Variants in JMJD1C observed in about 807,000 individuals in gnomAD.
JMJD1C encodes the protein jumonji domain containing 1C.
Under a neutral mutation model 245.3 loss-of-function variants are expected in JMJD1C, and 31 were observed. That is an observed-to-expected ratio of 0.13 (90% CI 0.09 to 0.17). The LOEUF (loss-of-function observed/expected upper bound fraction) is 0.17. Among genes scored for constraint, JMJD1C ranks in the 10% least tolerant of loss-of-function variants. JMJD1C has a pLI of 1.00. For missense variants in JMJD1C, 2,691 were observed against 3,000.2 expected (o/e 0.90, Z 2.41); for synonymous variants, 1,057 against 1,017.4 (o/e 1.04, Z -0.74).
chr10:63,385,273 T>C (rs1947498556), intron 1 of JMJD1C, among the ~76,000 whole-genome samples: 1 of 151,898 alleles, frequency 6.6e-6, no homozygotes, highest in Non-Finnish European at 1.5e-5. Flanking sequence ...GTAATAGTAA[T>C]AATAATAAAA....
At chr10:63,338,670 T>TA (rs1185042411) in intron 2 of JMJD1C, among the ~76,000 whole-genome samples, 2 of 130,016 alleles carry the variant, frequency 1.5e-5, no homozygotes, top group Non-Finnish European at 3.2e-5. Context: ...TTTTTTGAGA[T>TA]AGAGTTTCGC....
chr10:63,485,398 C>T (rs1453878051), intron 1 of JMJD1C, among the ~76,000 whole-genome samples: 1 of 151,986 alleles, frequency 6.6e-6, no homozygotes, highest in Non-Finnish European at 1.5e-5. Flanking sequence ...CCATTTCTAC[C>T]TCACAAGTCT....
chr10:63,473,381 G>T (rs1055198109), intron 1 of JMJD1C, among the ~76,000 whole-genome samples: 3 of 152,036 alleles, frequency 2.0e-5, no homozygotes, highest in African/African-American at 7.2e-5. Context: ...GAGTAGCTGG[G>T]ATTACAGGCA....
chr10:63,339,249 A>C (rs767398739), intron 2 of JMJD1C, among the ~76,000 whole-genome samples: 27 of 152,208 alleles, frequency 1.8e-4, no homozygotes, highest in Non-Finnish European at 3.5e-4. Flanking sequence ...ACATCTTAGG[A>C]AACAGTGCTG....
chr10:63,465,985 C>G (rs1300085404), upstream of JMJD1C: 3 of 320,064 alleles, frequency 9.4e-6, no homozygotes, highest in East Asian at 2.1e-4. Flanking sequence ...ACTGCTCCGT[C>G]TCCCTCCCCG....
At chr10:63,465,343 G>A in intron 1 of JMJD1C, 152 bp downstream of exon 1, 1 of 775,654 alleles carries the variant, frequency 1.3e-6, no homozygotes, top group Non-Finnish European at 2.0e-6. Context: ...ACCCAGGCAA[G>A]GGATGCGGGC....
chr10:63,328,199 C>G (rs984918382), intron 2 of JMJD1C, among the ~76,000 whole-genome samples: 3 of 151,788 alleles, frequency 2.0e-5, no homozygotes, highest in African/African-American at 7.3e-5. Flanking sequence ...CATTTGAACC[C>G]CGAAGTTGGA....
intron 2 of JMJD1C, among the ~76,000 whole-genome samples, chr10:63,363,252 CTTTTTT>C (rs71463517): frequency 5.0e-5 from 5 of 99,846 alleles, no homozygotes; most frequent in Middle Eastern, 5.8e-3. Context: ...TCATACAATT[CTTTTTT>C]TTTTTTTTTT....
chr10:63,284,683 C>T (rs1857769774), intron 2 of JMJD1C, among the ~76,000 whole-genome samples: 1 of 152,056 alleles, frequency 6.6e-6, no homozygotes, highest in Non-Finnish European at 1.5e-5. Context: ...CAATATTTAA[C>T]ATTGAAATAA....
At chr10:63,480,598 T>G (rs1953801249) in intron 1 of JMJD1C, among the ~76,000 whole-genome samples, 1 of 149,302 alleles carries the variant, frequency 6.7e-6, no homozygotes, top group Non-Finnish European at 1.5e-5. Context: ...CTTCCTTCAG[T>G]GGATGTTATT....
intron 1 of JMJD1C, among the ~76,000 whole-genome samples, chr10:63,515,835 ATACCCAAAAAT>A (rs1168279936): frequency 6.6e-6 from 1 of 152,234 alleles, no homozygotes; most frequent in East Asian, 1.9e-4. Context: ...ATGAAGATAT[ATACCCAAAAAT>A]CAGACAAAAA....
chr10:63,451,213 T>C (rs1952048905), intron 1 of JMJD1C, among the ~76,000 whole-genome samples: 1 of 152,226 alleles, frequency 6.6e-6, no homozygotes, highest in Non-Finnish European at 1.5e-5. Context: ...CAAAGCCATC[T>C]ACAGATTCAA....
At chr10:63,285,910 T>A (rs1857935925) in intron 2 of JMJD1C, among the ~76,000 whole-genome samples, 1 of 152,250 alleles carries the variant, frequency 6.6e-6, no homozygotes. Context: ...CAAGCCCATT[T>A]GCTTGAGAGC....
intron 1 of JMJD1C, among the ~76,000 whole-genome samples, chr10:63,520,459 A>T (rs192495559): frequency 1.1e-3 from 162 of 152,256 alleles, no homozygotes; most frequent in Non-Finnish European, 1.6e-3. Flanking sequence ...TGGAAAAAAT[A>T]AAAATATCTA....
intron 4 of JMJD1C, 64 bp downstream of exon 4, chr10:63,219,813 CA>C: frequency 1.7e-6 from 2 of 1,150,772 alleles, no homozygotes; most frequent in Non-Finnish European, 2.6e-6. Context: ...ATTGAATAAC[CA>C]AAAACAAATA....
intron 2 of JMJD1C, among the ~76,000 whole-genome samples, chr10:63,315,862 A>G (rs890145587): frequency 2.1e-5 from 3 of 142,072 alleles, no homozygotes; most frequent in East Asian, 4.1e-4. Flanking sequence ...AAACACCACG[A>G]AAAAAAAAAA....
intron 18 of JMJD1C, 59 bp downstream of exon 18, chr10:63,189,109 T>C (rs1215494562): frequency 1.4e-6 from 2 of 1,434,694 alleles, no homozygotes; most frequent in East Asian, 2.3e-5. Flanking sequence ...GAGGGAACCA[T>C]TCTATTTAAT....
intron 2 of JMJD1C, among the ~76,000 whole-genome samples, chr10:63,314,464 G>T (rs1228414852): frequency 6.6e-6 from 1 of 152,174 alleles, no homozygotes; most frequent in Non-Finnish European, 1.5e-5. Context: ...GGAGACTGAG[G>T]TGGGAGAATC....
rs181311167 is a variant in JMJD1C, at chr10:63,500,052, G to A, written n.113+21686C>T. 1.7e-3 allele frequency among the ~76,000 whole-genome samples: 262 copies of A among 152,242 alleles called. 2 individuals carry two copies. Among genetic ancestry groups the A allele is most frequent in the African/African-American group, 6.1e-3 (254 of 41,540 alleles). On this transcript the variant is annotated intron_variant and non_coding_transcript_variant, in intron 1 of 3. Transcript: ENST00000633035. Reference sequence around the variant, plus strand: ...AGTCATATTTTAAGGTCTTACTAGGGGTAAATGTAAATAACAAACTGAGAG... The same window carrying A: ...AGTCATATTTTAAGGTCTTACTAGGAGTAAATGTAAATAACAAACTGAGAG...
Sources: gnomAD v4.1 joint callset for allele counts (sites outside exome capture counted in the v4.1 genomes callset) on GRCh38, gnomAD v4.1.1 for gene constraint, MANE v1.5 for transcripts, NCBI Gene and HGNC (gene_info 2026-07-23, HGNC 2026-07-21) for gene names.